PKD1L3: variants seen among roughly 807,000 people sequenced by gnomAD.
The protein encoded by PKD1L3 is polycystin-1-like protein 3.
A neutral mutation model predicts 184.1 loss-of-function variants in PKD1L3; 239 were observed. That is an observed-to-expected ratio of 1.30 (90% CI 1.17 to 1.45). PKD1L3 has a LOEUF of 1.45. Among genes scored for constraint, PKD1L3 ranks in the 40% most tolerant of loss-of-function variants. PKD1L3 has a pLI of 0.00. For synonymous variants in PKD1L3, 996 were observed against 778.8 expected (o/e 1.28, Z -4.64); for missense variants, 2,660 against 2,067.2 (o/e 1.29, Z -5.56).
chr16:71,937,302 G>C lies in PKD1L3; in HGVS notation c.4442C>G (p.Ala1481Gly). 1 of 1,551,126 alleles carries C rather than the reference G, an allele frequency of 6.4e-7. No homozygotes were observed. The highest frequency in any genetic ancestry group is 8.7e-7 in the Non-Finnish European group (1 of 1,146,782). Residue 1481 changes from alanine to glycine, a missense_variant, in exon 25 of 30, where the codon GCC becomes GGC. Physicochemically the swap from Ala to Gly is moderately conservative, Grantham distance 60 (BLOSUM62 0). Coordinates refer to ENST00000620267, the MANE Select transcript of PKD1L3 (RefSeq NM_181536.2). ...ACATTATTGACTCACCTGTATGAAGGCATAGTAACAGACCAGTAGATAATA... is the reference window on the plus strand; with the variant it reads ...ACATTATTGACTCACCTGTATGAAGCCATAGTAACAGACCAGTAGATAATA... ...VIYYLLVCYY[A>G]FIQGCQLKQQ...
intron 16 of PKD1L3, among the ~76,000 whole-genome samples, chr16:71,958,672 T>C (rs1275091002): frequency 1.4e-5 from 2 of 147,344 alleles, no homozygotes; most frequent in African/African-American, 5.1e-5. Flanking sequence ...TCCCAGCTAC[T>C]CAGGAGGCTG....
In PKD1L3 at chr16:71,933,892, GA is replaced by G. The variant is rs1406789458; in HGVS notation, c.4824+22del. 3.2e-6 allele frequency: 5 copies of G among 1,547,366 alleles called. No homozygotes were observed. The East Asian group carries it at 1.2e-4, about 38-fold the overall frequency. ...CAAGACCACAGCACACGGAGAAGGA[GA>G]GACAGCAACGTGGGGGCTTACGGCA... On this transcript the variant is annotated intron_variant, in intron 27 of 29. Transcript: ENST00000620267.
intron 9 of PKD1L3, among the ~76,000 whole-genome samples, chr16:71,978,725 A>G (rs1004752298): frequency 6.6e-6 from 1 of 151,612 alleles, no homozygotes; most frequent in African/African-American, 2.4e-5. Context: ...TTTTTAGTAG[A>G]GACAGGGTTT....
chr16:71,950,126 C>T lies in PKD1L3; in HGVS notation c.3375G>A (p.Glu1125=). ...LETHILPTEQ[E]PSREVTSFAI... ...TTGGTGTGGTGCATTACCTGGATGG[C>T]TCTTGCTCCGTGGGAAGAATATGTG... The change falls in exon 20 of 30, where the codon GAG becomes GAA. Residue 1125 remains glutamate (E), a synonymous_variant. Coordinates refer to ENST00000620267, the MANE Select transcript of PKD1L3 (RefSeq NM_181536.2). 1 of 1,551,812 alleles carries T rather than the reference C, an allele frequency of 6.4e-7. No individual in the cohort carries two copies. The highest frequency in any genetic ancestry group is 1.4e-5 in the African/African-American group (1 of 73,108).
rs995558199 is a variant in PKD1L3 at position 71,967,213 on chromosome 16, G to A, written c.2389C>T (p.Leu797Phe). The A allele has an allele frequency of 6.0e-5, 93 of 1,551,594 alleles. No homozygotes were observed. Among genetic ancestry groups the A allele is most frequent in the Middle Eastern group, 3.3e-4 (2 of 6,014 alleles). Reference protein sequence around the residue: ...FERGGLDVFLLTTWTSLGNLH... With the variant: ...FERGGLDVFLFTTWTSLGNLH... ...TTCCCTAGAGAGGTCCAAGTGGTGA[G>A]AAGGAAGACATCCAGGCCCCCTCGT... Residue 797 changes from leucine to phenylalanine, a missense_variant, in exon 15 of 30, where the codon CTC becomes TTC. Leu to Phe is a conservative substitution (Grantham distance 22). Transcript: ENST00000620267.
rs771875779 is a variant in PKD1L3 at position 71,933,487 on chromosome 16, TAGTC to T, written c.4855_4858del (p.Asp1619ThrfsTer9). On this transcript the variant is annotated frameshift_variant, in exon 28 of 30. Transcript: ENST00000620267. LOFTEE classifies it high-confidence loss of function. ...CACTGCTGAGCTGAAAAATGTCCGG[TAGTC>T]AGAGATGCTGCATCCAAACAGCAGG... 3 of 1,551,536 alleles carry T rather than the reference TAGTC, an allele frequency of 1.9e-6. No homozygotes were observed. The highest frequency in any genetic ancestry group is 2.6e-6 in the Non-Finnish European group (3 of 1,146,848).
rs139541803 is a variant in PKD1L3, at chr16:71,977,557, G to GGT, written c.1528-91_1528-90insAC. 61 of 672,250 alleles carry GGT rather than the reference G, an allele frequency of 9.1e-5. 2 individuals are homozygous for GGT. Among genetic ancestry groups the GGT allele is most frequent in the Admixed American group, 4.2e-4 (11 of 26,438 alleles). The allele number at this position is 672,250 out of a possible 1,614,324, so 41.6% of individuals were successfully genotyped here. ...ATTGATAAGGTAAGGAAACGTCCTA[G>GGT]CTCTTTTTTTTTTTTTTTTTTTTGA... is the stretch of plus-strand genomic sequence containing the variant. On this transcript the variant is annotated intron_variant, in intron 10 of 29. Transcript: ENST00000620267.
In PKD1L3 at chr16:71,970,088, T is replaced by G. The variant is rs2039654813; in HGVS notation, c.1971A>C (p.Thr657=). 6.4e-7 allele frequency: 1 copy of G among 1,551,640 alleles called. No individual in the cohort carries two copies. Among genetic ancestry groups the G allele is most frequent in the Non-Finnish European group, 8.7e-7 (1 of 1,146,948 alleles). The change falls in exon 13 of 30, where the codon ACA becomes ACC. Residue 657 remains threonine (T), a synonymous_variant. Transcript: ENST00000620267. ...SAGCQVGPQS[T]ILRTQCLCNH... is the part of the protein sequence containing the mutation. The stretch of plus-strand genomic sequence containing the variant: ...TACAGAGACACTGTGTCCTCAGAAT[T>G]GTGCTCTGTGGCCCAACCTGGAATT...
chr16:71,993,613 A>C (rs1028503610), intron 2 of PKD1L3, among the ~76,000 whole-genome samples: 1 of 152,152 alleles, frequency 6.6e-6, no homozygotes, highest in South Asian at 2.1e-4. Context: ...AGGCATGTGG[A>C]GTTATTTACA....
chr16:71,968,546 A>G lies in PKD1L3; in HGVS notation c.2185-539T>C, dbSNP rs1214706530. Among the ~76,000 whole-genome samples, 4 of 152,200 alleles carry G rather than the reference A, an allele frequency of 2.6e-5. No homozygotes were observed. In the East Asian group the frequency reaches 7.7e-4, roughly 29 times the overall value. On this transcript the variant is annotated intron_variant, in intron 13 of 29. Coordinates refer to ENST00000620267, the MANE Select transcript of PKD1L3 (RefSeq NM_181536.2). ...AACACATGGAAAGAAGAGGCTGTCAAAAGATTTTTGTTTTAAAAAACATGC... is the reference window on the plus strand; with the variant it reads ...AACACATGGAAAGAAGAGGCTGTCAGAAGATTTTTGTTTTAAAAAACATGC...
intron 12 of PKD1L3, among the ~76,000 whole-genome samples, chr16:71,971,141 G>A (rs1285854377): frequency 6.6e-6 from 1 of 152,160 alleles, no homozygotes; most frequent in African/African-American, 2.4e-5. Flanking sequence ...ACCCTTTGGT[G>A]GAAGGGAAGG....
At chr16:71,979,955 T>A in intron 8 of PKD1L3, 43 bp from the exon 9 acceptor site, 6 of 1,550,118 alleles carry the variant, frequency 3.9e-6, no homozygotes, top group Non-Finnish European at 5.2e-6. Context: ...TTGTGTGTCC[T>A]CTGAAAGTGA....
intron 16 of PKD1L3, among the ~76,000 whole-genome samples, chr16:71,960,678 G>A (rs1418283809): frequency 6.6e-6 from 1 of 152,014 alleles, no homozygotes; most frequent in Non-Finnish European, 1.5e-5. Context: ...TTCCTCTATT[G>A]GAAACACAGA....
chr16:71,984,101 G>A lies in PKD1L3; in HGVS notation c.901C>T (p.Gln301Ter). 6.4e-7 allele frequency: 1 copy of A among 1,552,146 alleles called. No homozygotes were observed. Among genetic ancestry groups the A allele is most frequent in the Non-Finnish European group, 8.7e-7 (1 of 1,147,082 alleles). The part of the protein sequence containing the change: ...VHGLQALNKL[Q>*]EACEFLQKLT... Reference sequence around the variant, plus strand: ...TTCTGGAGGAACTCACAAGCTTCCTGTAGTTTGTTAAGAGCTTGCAAACCA... The same window carrying A: ...TTCTGGAGGAACTCACAAGCTTCCTATAGTTTGTTAAGAGCTTGCAAACCA... Residue 301 changes from glutamine (Q) to a stop codon, truncating the protein, a stop_gained, in exon 6 of 30, where the codon CAG becomes TAG. Coordinates refer to ENST00000620267, the MANE Select transcript of PKD1L3 (RefSeq NM_181536.2). LOFTEE classifies it high-confidence loss of function.
At chr16:71,952,044 A>G (rs2038854122) in intron 18 of PKD1L3, among the ~76,000 whole-genome samples, 1 of 152,068 alleles carries the variant, frequency 6.6e-6, no homozygotes. Context: ...CAGAATACTT[A>G]ATCATCAAGA....
intron 21 of PKD1L3, among the ~76,000 whole-genome samples, chr16:71,948,008 C>T (rs1169434489): frequency 5.3e-5 from 8 of 152,038 alleles, no homozygotes; most frequent in African/African-American, 2.4e-5. Flanking sequence ...CCTCCGCTTC[C>T]TGGGTTCAAG....
At chr16:71,931,043 A>G (rs1231970854) in intron 28 of PKD1L3, 4 of 152,258 alleles carry the variant, frequency 2.6e-5, no homozygotes, top group African/African-American at 4.8e-5. Flanking sequence ...CTTATTTCCA[A>G]TAAGTTTATT....
intron 23 of PKD1L3, among the ~76,000 whole-genome samples, chr16:71,943,342 G>A (rs1040039479): frequency 2.0e-5 from 3 of 151,870 alleles, no homozygotes; most frequent in Non-Finnish European, 4.4e-5. Flanking sequence ...TTCGAGACCA[G>A]CCTGACCAAC....
chr16:71,972,505 G>T, intron 12 of PKD1L3, among the ~76,000 whole-genome samples: 1 of 152,104 alleles, frequency 6.6e-6, no homozygotes. Flanking sequence ...GCACCATGGC[G>T]AGACCCTGTC....
Sources: gnomAD v4.1 joint callset for allele counts (sites outside exome capture counted in the v4.1 genomes callset) on GRCh38, gnomAD v4.1.1 for gene constraint, MANE v1.5 for transcripts, NCBI Gene and HGNC (gene_info 2026-07-23, HGNC 2026-07-21) for gene names.